FARS2: variants seen among roughly 807,000 people sequenced by gnomAD.
FARS2 encodes the protein phenylalanyl-tRNA synthetase 2, mitochondrial, also known as phenylalanine--tRNA ligase, mitochondrial.
Under a neutral mutation model 46.4 loss-of-function variants are expected in FARS2, and 40 were observed. That is an observed-to-expected ratio of 0.86 (90% CI 0.67 to 1.12). The LOEUF (loss-of-function observed/expected upper bound fraction) is 1.12. FARS2 is among the 50% of genes most tolerant of loss of function. The pLI is 0.00. For synonymous variants in FARS2, 234 were observed against 214.9 expected (o/e 1.09, Z -0.78); for missense variants, 513 against 567.9 (o/e 0.90, Z 0.98).
At chr6:5,522,031 A>C (rs1004295768) in intron 4 of FARS2, among the ~76,000 whole-genome samples, 1 of 152,234 alleles carries the variant, frequency 6.6e-6, no homozygotes, top group Non-Finnish European at 1.5e-5. Flanking sequence ...CTTGTGTACC[A>C]GAATGTTAGG....
At chr6:5,705,887 C>T (rs1758725830) in intron 6 of FARS2, among the ~76,000 whole-genome samples, 1 of 152,186 alleles carries the variant, frequency 6.6e-6, no homozygotes, top group Admixed American at 6.5e-5. Flanking sequence ...GCGCTCGCTG[C>T]CTCCTCTGAA....
chr6:5,283,380 A>AAAG lies in FARS2; in HGVS notation c.-22+21722_-22+21723insGAA, dbSNP rs1257849051. Among the ~76,000 whole-genome samples the AAAG allele has an allele frequency of 6.0e-5, 9 of 150,394 alleles. No homozygotes were observed. The South Asian group carries it at 1.5e-3, about 25-fold the overall frequency. ...AAAAGTGAAACTCCTGTCTCAAAAA[A>AAAG]AAAAAAAAAAAAAAACAAATTAGCC... On this transcript the variant is annotated intron_variant, in intron 1 of 6. Coordinates refer to ENST00000274680, the MANE Select transcript of FARS2 (RefSeq NM_006567.5).
At chr6:5,408,283 A>C (rs897738159) in intron 3 of FARS2, among the ~76,000 whole-genome samples, 6 of 152,226 alleles carry the variant, frequency 3.9e-5, no homozygotes, top group South Asian at 2.1e-4. Context: ...GCTGAGGCAC[A>C]TGCACGCTGA....
At chr6:5,701,419 G>A (rs1258876046) in intron 6 of FARS2, among the ~76,000 whole-genome samples, 1 of 152,198 alleles carries the variant, frequency 6.6e-6, no homozygotes, top group Non-Finnish European at 1.5e-5. Flanking sequence ...TGCAGTTCAG[G>A]GTCCTGTTAT....
chr6:5,569,972 C>A (rs992973167), intron 5 of FARS2, among the ~76,000 whole-genome samples: 2 of 152,154 alleles, frequency 1.3e-5, no homozygotes, highest in Admixed American at 1.3e-4. Flanking sequence ...GTGTTTCTTC[C>A]CTGCCTGCCC....
chr6:5,425,510 AAC>A (rs563269554), intron 3 of FARS2, among the ~76,000 whole-genome samples: 3 of 151,114 alleles, frequency 2.0e-5, no homozygotes, highest in South Asian at 2.1e-4. Flanking sequence ...GAAGAGACCA[AAC>A]ACACACACAC....
chr6:5,492,072 T>C (rs1355394681), intron 4 of FARS2, among the ~76,000 whole-genome samples: 2 of 152,224 alleles, frequency 1.3e-5, no homozygotes, highest in Non-Finnish European at 2.9e-5. Flanking sequence ...TAAAAACTAC[T>C]CATTTTCTAT....
At chr6:5,597,827 C>T (rs750500232) in intron 5 of FARS2, among the ~76,000 whole-genome samples, 53 of 152,114 alleles carry the variant, frequency 3.5e-4, no homozygotes, top group Non-Finnish European at 6.3e-4. Context: ...CCAATATTTC[C>T]TTCCATTACA....
At chr6:5,606,452 A>G (rs889502109) in intron 5 of FARS2, among the ~76,000 whole-genome samples, 2 of 152,226 alleles carry the variant, frequency 1.3e-5, no homozygotes, top group African/African-American at 4.8e-5. Flanking sequence ...GGTTTCAGAC[A>G]TGTAAATACC....
chr6:5,486,181 C>G (rs534728888), intron 4 of FARS2, among the ~76,000 whole-genome samples: 1 of 152,142 alleles, frequency 6.6e-6, no homozygotes. Context: ...GAAACAGATG[C>G]ATTTCTGTTA....
intron 1 of FARS2, among the ~76,000 whole-genome samples, chr6:5,290,839 C>T (rs1371841204): frequency 6.6e-6 from 1 of 152,220 alleles, no homozygotes; most frequent in African/African-American, 2.4e-5. Flanking sequence ...CCCACCTCAG[C>T]TTCTCCAGTA....
intron 6 of FARS2, among the ~76,000 whole-genome samples, chr6:5,749,036 T>G (rs939917804): frequency 2.0e-5 from 3 of 152,216 alleles, no homozygotes; most frequent in Non-Finnish European, 4.4e-5. Flanking sequence ...CTAACCTGCC[T>G]TCCCAGAAGT....
At chr6:5,620,871 G>A (rs73360243) in intron 6 of FARS2, among the ~76,000 whole-genome samples, 2 of 152,214 alleles carry the variant, frequency 1.3e-5, no homozygotes, top group Non-Finnish European at 2.9e-5. Context: ...CAGGTGGACA[G>A]GCCTCCGGCC....
chr6:5,709,092 A>G (rs563628209), intron 6 of FARS2, among the ~76,000 whole-genome samples: 1 of 152,210 alleles, frequency 6.6e-6, no homozygotes, highest in Non-Finnish European at 1.5e-5. Context: ...ACGGTCATTT[A>G]TGGTTGCTTC....
At chr6:5,410,141 G>A (rs1394232140) in intron 3 of FARS2, among the ~76,000 whole-genome samples, 2 of 133,982 alleles carry the variant, frequency 1.5e-5, no homozygotes, top group East Asian at 2.3e-4. Flanking sequence ...TGCTTTGTTC[G>A]TTTTTGTGTT....
At chr6:5,503,666 G>A (rs1181279516) in intron 4 of FARS2, among the ~76,000 whole-genome samples, 1 of 152,120 alleles carries the variant, frequency 6.6e-6, no homozygotes, top group East Asian at 1.9e-4. Context: ...CAAACGAGTT[G>A]TGATATTGTA....
At chr6:5,510,129 TTTGG>T (rs1160323880) in intron 4 of FARS2, among the ~76,000 whole-genome samples, 1 of 152,076 alleles carries the variant, frequency 6.6e-6, no homozygotes, top group Non-Finnish European at 1.5e-5. Flanking sequence ...TGTTTGTTTG[TTTGG>T]TTGGTTGGTT....
intron 6 of FARS2, among the ~76,000 whole-genome samples, chr6:5,685,503 G>A (rs1046943073): frequency 1.3e-5 from 2 of 152,160 alleles, no homozygotes; most frequent in African/African-American, 4.8e-5. Context: ...GAGGTGACTG[G>A]CCCACTGTGT....
chr6:5,577,412 C>T (rs140509790), intron 5 of FARS2, among the ~76,000 whole-genome samples: 1 of 152,016 alleles, frequency 6.6e-6, no homozygotes, highest in African/African-American at 2.4e-5. Flanking sequence ...GGCCTGGACA[C>T]AATACAACAA....
Sources: gnomAD v4.1 joint callset for allele counts (sites outside exome capture counted in the v4.1 genomes callset) on GRCh38, gnomAD v4.1.1 for gene constraint, MANE v1.5 for transcripts, NCBI Gene and HGNC (gene_info 2026-07-23, HGNC 2026-07-21) for gene names.